LRRC31: variants seen among roughly 807,000 people sequenced by gnomAD.
LRRC31 encodes the protein leucine rich repeat containing 31.
LRRC31 carries 35 observed loss-of-function variants against 46.7 expected under a neutral mutation model. That is an observed-to-expected ratio of 0.75 (90% CI 0.57 to 0.99). LRRC31 has a LOEUF of 0.99. Ranked by LOEUF, LRRC31 falls within the 50% of genes least tolerant of loss-of-function variation. LRRC31 has a pLI of 0.00. For synonymous variants in LRRC31, 236 were observed against 235.1 expected, an observed-to-expected ratio of 1.00 and a Z score of -0.03; for missense variants, 613 against 626.1, an observed-to-expected ratio of 0.98 and a Z score of 0.22.
At chr3:169,845,571 T>A (rs1264972229) in intron 8 of LRRC31, among the ~76,000 whole-genome samples, 1 of 152,190 alleles carries the variant, frequency 6.6e-6, no homozygotes. Context: ...GGCCAATTGA[T>A]TTTTCACAAA....
chr3:169,852,734 C>T (rs1485016703), intron 6 of LRRC31, among the ~76,000 whole-genome samples: 1 of 152,208 alleles, frequency 6.6e-6, no homozygotes, highest in African/African-American at 2.4e-5. Flanking sequence ...TATGCTGGAT[C>T]TCTACAAAGC....
At chr3:169,857,489 C>T (rs1434580409) in intron 3 of LRRC31, among the ~76,000 whole-genome samples, 2 of 144,804 alleles carry the variant, frequency 1.4e-5, no homozygotes, top group Non-Finnish European at 3.0e-5. Flanking sequence ...AATAGAGCAT[C>T]AGGCACTAGA....
At chr3:169,867,031 G>A (rs181235555) in intron 1 of LRRC31, among the ~76,000 whole-genome samples, 127 of 145,284 alleles carry the variant, frequency 8.7e-4, no homozygotes, top group Non-Finnish European at 1.6e-3. Context: ...AAGAAAATTG[G>A]CCATGGGTTT....
intron 8 of LRRC31, among the ~76,000 whole-genome samples, chr3:169,842,831 A>G (rs1182913629): frequency 1.3e-5 from 2 of 152,220 alleles, no homozygotes; most frequent in African/African-American, 2.4e-5. Flanking sequence ...GAAATGAAGA[A>G]GCAAATTTTA....
chr3:169,862,016 A>C (rs2108225759), intron 1 of LRRC31, among the ~76,000 whole-genome samples: 1 of 152,338 alleles, frequency 6.6e-6, no homozygotes, highest in African/African-American at 2.4e-5. Context: ...ACACTGCTTC[A>C]GGAGCCTGAG....
rs749492872 is a variant in LRRC31 at position 169,860,633 on chromosome 3, G to A, written c.415C>T (p.His139Tyr). ...GTLLSITQQMHLVSKLKILRL... is the reference protein window; with the variant it reads ...GTLLSITQQMYLVSKLKILRL... ...AAGATTTTTAACTTGCTGACCAGAT[G>A]CATTTGCTGAGTGATGGAAAGGAGG... The change falls in exon 3 of 9, where the codon CAT (histidine) becomes TAT (tyrosine). Residue 139 changes from histidine (H) to tyrosine (Y), a missense_variant. Physicochemically the swap from His to Tyr is moderately conservative, Grantham distance 83 (BLOSUM62 2). Coordinates refer to ENST00000316428, the MANE Select transcript of LRRC31 (RefSeq NM_024727.4). 1.9e-6 allele frequency: 3 copies of A among 1,614,186 alleles called. No individual in the cohort carries two copies. In the Admixed American group the frequency reaches 5.0e-5, roughly 27 times the overall value.
chr3:169,868,741 T>C (rs1340552828), intron 1 of LRRC31, among the ~76,000 whole-genome samples: 1 of 152,232 alleles, frequency 6.6e-6, no homozygotes, highest in Non-Finnish European at 1.5e-5. Flanking sequence ...AGTAAAATTA[T>C]GAATCATTTA....
chr3:169,868,123 T>C (rs1336208804), intron 1 of LRRC31, among the ~76,000 whole-genome samples: 2 of 152,188 alleles, frequency 1.3e-5, no homozygotes, highest in African/African-American at 4.8e-5. Context: ...ATTACAACTG[T>C]GGAAAAGATG....
intron 3 of LRRC31, among the ~76,000 whole-genome samples, chr3:169,859,152 G>A (rs187462149): frequency 1.1e-4 from 16 of 146,074 alleles, no homozygotes; most frequent in South Asian, 4.4e-4. Flanking sequence ...AAAATTAGCC[G>A]GGCATGGTGG....
In LRRC31 at chr3:169,864,469, C is replaced by T. The variant is rs1384161516; in HGVS notation, c.176-2656G>A. Among the ~76,000 whole-genome samples, 3 of 152,208 alleles carry T rather than the reference C, an allele frequency of 2.0e-5. No individual in the cohort carries two copies. The East Asian group carries it at 5.8e-4, about 29-fold the overall frequency. ...ACAGGTCTGTCTGAGGAACAAGTCA[C>T]TCAACCTCTCTGAGCCTTGGTTTAC... is the stretch of plus-strand genomic sequence containing the variant. On this transcript the variant is annotated intron_variant, in intron 1 of 8. Coordinates refer to ENST00000316428, the MANE Select transcript of LRRC31 (RefSeq NM_024727.4).
At position 169,869,683 on chromosome 3, in the gene LRRC31, C is replaced by T. The variant is rs112858941; in HGVS notation, c.125G>A (p.Ser42Asn). 20 of 1,611,372 alleles carry T rather than the reference C, an allele frequency of 1.2e-5. 1 individual carries two copies. The highest frequency in any genetic ancestry group is 1.7e-5 in the Non-Finnish European group (20 of 1,179,092). Residue 42 changes from serine (S) to asparagine (N), a missense_variant, in exon 1 of 9, where the codon AGT becomes AAT. Coordinates refer to ENST00000316428, the MANE Select transcript of LRRC31 (RefSeq NM_024727.4). ...SRKEDNDLKT[S>N]DSQPSDWIQK... Reference sequence around the variant, plus strand: ...TATCCAGTCGCTGGGTTGGGAATCACTTGTTTTAAGGTCATTGTCCTCTTT... The same window carrying T: ...TATCCAGTCGCTGGGTTGGGAATCATTTGTTTTAAGGTCATTGTCCTCTTT...
chr3:169,857,529 G>A (rs1358506917), intron 3 of LRRC31, among the ~76,000 whole-genome samples: 2 of 149,994 alleles, frequency 1.3e-5, no homozygotes, highest in East Asian at 4.0e-4. Flanking sequence ...GCCTTAAGGG[G>A]TAAAGGAGGG....
At position 169,856,366 on chromosome 3, in the gene LRRC31, C is replaced by G. The variant is rs534169235; in HGVS notation, c.793G>C (p.Gly265Arg). The change falls in exon 5 of 9, where the codon GGA becomes CGA. Residue 265 changes from glycine to arginine, a missense_variant. Physicochemically the swap from Gly to Arg is moderately radical, Grantham distance 125. Transcript: ENST00000316428. ...NLKVLKLHSC[G>R]LSQKSVKILD... ...ATTTTGACACTCTTTTGTGATAATC[C>G]ACATGAATGTAACTTCAGTACTTTC... is the stretch of plus-strand genomic sequence containing the variant. The G allele has an allele frequency of 6.3e-7, 1 of 1,592,524 alleles. No homozygotes were observed. The highest frequency in any genetic ancestry group is 2.3e-5 in the East Asian group (1 of 43,610).
In LRRC31 at chr3:169,856,824, C is replaced by T. The variant is rs761909482; in HGVS notation, c.536G>A (p.Trp179Ter). ...IPELEELNLS[W>*]NSKVGGNLPL... Reference sequence around the variant, plus strand: ...CAAATTTCCTCCCACTTTACTGTTCCAAGACAAATTTAGCTCTTCAAGTTC... The same window carrying T: ...CAAATTTCCTCCCACTTTACTGTTCTAAGACAAATTTAGCTCTTCAAGTTC... Residue 179 changes from tryptophan (W) to a stop codon, truncating the protein, a stop_gained, in exon 4 of 9, where the codon TGG becomes TAG. Transcript: ENST00000316428. LOFTEE classifies it high-confidence loss of function. 2 of 1,609,300 alleles carry T rather than the reference C, an allele frequency of 1.2e-6. No homozygotes were observed. Among genetic ancestry groups the T allele is most frequent in the South Asian group, 1.1e-5 (1 of 89,970 alleles).
intron 3 of LRRC31, among the ~76,000 whole-genome samples, chr3:169,860,122 C>T (rs1449575147): frequency 6.6e-6 from 1 of 151,600 alleles, no homozygotes; most frequent in African/African-American, 2.4e-5. Context: ...CCAGCCTGGG[C>T]AACAGAGTGA....
Position 169,848,264 on chromosome 3 carries a change from C to G in LRRC31, c.1183G>C (p.Ala395Pro). The G allele has an allele frequency of 6.2e-7, 1 of 1,614,154 alleles. No individual in the cohort carries two copies. The highest frequency in any genetic ancestry group is 8.5e-7 in the Non-Finnish European group (1 of 1,180,018). ...CAAGAAAGGTTGAATACTTCCAGAG[C>G]AGAGAGGTGAACAGAGGCTTCAGCT... ...ALAEASVHLSALEVFNLSWNK... is the reference protein window; with the variant it reads ...ALAEASVHLSPLEVFNLSWNK... Residue 395 changes from alanine (A) to proline (P), a missense_variant, in exon 8 of 9, where the codon GCT becomes CCT. Coordinates refer to ENST00000316428, the MANE Select transcript of LRRC31 (RefSeq NM_024727.4).
At chr3:169,855,012 G>A in intron 5 of LRRC31, 32 bp from the exon 6 acceptor site, 6 of 1,584,898 alleles carry the variant, frequency 3.8e-6, no homozygotes, top group East Asian at 2.2e-5. Context: ...CATTCTGGTA[G>A]CTGGACACAG....
chr3:169,840,100 T>C lies in LRRC31; in HGVS notation c.1541A>G (p.Gln514Arg), dbSNP rs1301180617. 6.2e-7 allele frequency: 1 copy of C among 1,614,154 alleles called. No individual in the cohort carries two copies. Among genetic ancestry groups the C allele is most frequent in the East Asian group, 2.2e-5 (1 of 44,882 alleles). Residue 514 changes from glutamine (Q) to arginine (R), a missense_variant, in exon 9 of 9, where the codon CAG becomes CGG. Gln to Arg is a conservative substitution (Grantham distance 43, BLOSUM62 1). Coordinates refer to ENST00000316428, the MANE Select transcript of LRRC31 (RefSeq NM_024727.4). ...TCTTTTCATTCCTATCTCAGTGATC[T>C]GAGGAAGCTTGGTCACAGCATATAA... is the stretch of plus-strand genomic sequence containing the variant. ...HLLYAVTKLPQITEIGMKRWI... is the reference protein window; with the variant it reads ...HLLYAVTKLPRITEIGMKRWI...
chr3:169,848,377 C>T, intron 7 of LRRC31, 90 bp from the exon 8 acceptor site: 2 of 1,192,804 alleles, frequency 1.7e-6, no homozygotes, highest in African/African-American at 1.5e-5. Context: ...TAGGACAACA[C>T]ATGAATATAA....
Sources: allele counts gnomAD v4.1 joint callset (sites outside exome capture counted in the v4.1 genomes callset), GRCh38; gene constraint gnomAD v4.1.1; transcripts MANE v1.5; gene names NCBI Gene and HGNC (gene_info 2026-07-23, HGNC 2026-07-21).